The following TRAF3IP1 variants were observed in gnomAD, a reference collection of about 807,000 sequenced individuals.
The protein encoded by TRAF3IP1 is TRAF3-interacting protein 1.
TRAF3IP1 carries 53 observed loss-of-function variants against 89.9 expected under a neutral mutation model. The ratio of observed to expected loss-of-function variants is 0.59; its 90% CI spans 0.47 to 0.74. The LOEUF is 0.74. Ranked by LOEUF, TRAF3IP1 falls within the 30% of genes least tolerant of loss-of-function variation. The pLI is 0.00. For missense variants in TRAF3IP1, 806 were observed against 866.1 expected, an observed-to-expected ratio of 0.93 and a Z score of 0.87; for synonymous variants, 311 against 322.1, an observed-to-expected ratio of 0.97 and a Z score of 0.37.
chr2:238,395,129 G>A (rs1394321685), intron 15 of TRAF3IP1, among the ~76,000 whole-genome samples: 1 of 152,112 alleles, frequency 6.6e-6, no homozygotes, highest in African/African-American at 2.4e-5. Flanking sequence ...GCTTTGGGAG[G>A]GCAAGGCAGG....
intron 10 of TRAF3IP1, 128 bp from the exon 11 acceptor site, chr2:238,348,636 A>G (rs1366803495): frequency 5.3e-6 from 4 of 750,614 alleles, no homozygotes; most frequent in Non-Finnish European, 6.4e-6. Flanking sequence ...AAAATTGCTC[A>G]TTTGTATTTG....
At chr2:238,369,365 G>A (rs61671918) in intron 15 of TRAF3IP1, among the ~76,000 whole-genome samples, 5,724 of 152,298 alleles carry the variant, frequency 0.038, 355 homozygotes, top group African/African-American at 0.13. Flanking sequence ...AGTGGAGCGC[G>A]TTCCACTGTC....
chr2:238,360,182 G>A (rs765760777), intron 15 of TRAF3IP1, among the ~76,000 whole-genome samples: 2 of 152,192 alleles, frequency 1.3e-5, no homozygotes, highest in African/African-American at 4.8e-5. Flanking sequence ...TGAATGAATT[G>A]TTTATTTCTG....
intron 5 of TRAF3IP1, among the ~76,000 whole-genome samples, chr2:238,331,527 A>G (rs544242788): frequency 2.0e-5 from 3 of 152,322 alleles, no homozygotes; most frequent in African/African-American, 7.2e-5. Context: ...ATTTGGGAAC[A>G]TATCAGAGCC....
At chr2:238,356,377 G>A (rs1699407826) in intron 15 of TRAF3IP1, among the ~76,000 whole-genome samples, 1 of 152,138 alleles carries the variant, frequency 6.6e-6, no homozygotes, top group Non-Finnish European at 1.5e-5. Flanking sequence ...CATGCCTGTA[G>A]TCCCAGCTAC....
intron 15 of TRAF3IP1, among the ~76,000 whole-genome samples, chr2:238,393,474 T>C (rs979396161): frequency 6.6e-6 from 1 of 152,220 alleles, no homozygotes; most frequent in Non-Finnish European, 1.5e-5. Context: ...TTGCTCATTC[T>C]GTGACTTACC....
chr2:238,350,533 G>A (rs1237826437), intron 12 of TRAF3IP1, among the ~76,000 whole-genome samples: 1 of 152,206 alleles, frequency 6.6e-6, no homozygotes, highest in African/African-American at 2.4e-5. Flanking sequence ...AGAGACTGGA[G>A]CAGAGGTTTT....
intron 5 of TRAF3IP1, among the ~76,000 whole-genome samples, chr2:238,330,403 C>T (rs1698062341): frequency 6.6e-6 from 1 of 152,104 alleles, no homozygotes; most frequent in South Asian, 2.1e-4. Flanking sequence ...TCCCAGACAC[C>T]CAGACACGCA....
rs1428274674 is a variant in TRAF3IP1 at position 238,398,833 on chromosome 2, A to T, written c.1990A>T (p.Ile664Phe). Residue 664 changes from isoleucine (I) to phenylalanine (F), a missense_variant, in exon 17 of 17, where the codon ATC becomes TTC. Ile to Phe is a conservative substitution (Grantham distance 21). Transcript: ENST00000373327. ...GCTGATCAAAGACCAGCAAGACAAG[A>T]TCTGTGCTGTGAAGGCCAACATCCT... is the stretch of plus-strand genomic sequence containing the variant. The part of the protein sequence containing the change: ...EQLIKDQQDK[I>F]CAVKANILKN... 6.2e-7 allele frequency: 1 copy of T among 1,613,648 alleles called. No homozygotes were observed. The highest frequency in any genetic ancestry group is 1.7e-5 in the Admixed American group (1 of 59,916).
rs1454137362 is a variant in TRAF3IP1, at chr2:238,379,830, A to G, written c.1690-17629A>G. On this transcript the variant is annotated intron_variant, in intron 15 of 16. Coordinates refer to ENST00000373327, the MANE Select transcript of TRAF3IP1 (RefSeq NM_015650.4). The surrounding 1 kb of genome is among the most constrained non-coding windows in gnomAD (Gnocchi z 4.0). ...AGGAAATACTGTAGCAATAGGCTCA[A>G]TAGAAAATGATTAATATTTTAGTAA... 2.0e-5 allele frequency among the ~76,000 whole-genome samples: 3 copies of G among 152,258 alleles called. No individual in the cohort carries two copies. The highest frequency in any genetic ancestry group is 2.9e-5 in the Non-Finnish European group (2 of 68,040).
chr2:238,397,511 A>G lies in TRAF3IP1; in HGVS notation c.1742A>G (p.Lys581Arg). Reference protein sequence around the residue: ...AWKKEKDIVSKEIEKLRTSIQ... With the variant: ...AWKKEKDIVSREIEKLRTSIQ... ...AAGAAGGAGAAGGACATCGTTTCCA[A>G]GGAGATAGAGAAGCTCCGCACGTCC... Residue 581 changes from lysine (K) to arginine (R), a missense_variant, in exon 16 of 17, where the codon AAG (lysine) becomes AGG (arginine). Lys to Arg is a conservative substitution (Grantham distance 26). This residue lies in a region of TRAF3IP1 where 732 missense variants were observed against 780.5 expected (regional missense o/e 0.94). Coordinates refer to ENST00000373327, the MANE Select transcript of TRAF3IP1 (RefSeq NM_015650.4). The G allele has an allele frequency of 6.2e-7, 1 of 1,613,106 alleles. No homozygotes were observed. The highest frequency in any genetic ancestry group is 8.5e-7 in the Non-Finnish European group (1 of 1,179,926).
intron 15 of TRAF3IP1, among the ~76,000 whole-genome samples, chr2:238,371,812 T>C (rs939900417): frequency 3.3e-5 from 5 of 152,252 alleles, no homozygotes; most frequent in African/African-American, 1.2e-4. Context: ...AAATAAAATT[T>C]ATTGAAACTA....
chr2:238,347,314 G>A (rs1428230851), intron 9 of TRAF3IP1, 141 bp from the exon 10 acceptor site: 16 of 810,316 alleles, frequency 2.0e-5, no homozygotes, highest in Non-Finnish European at 2.4e-5. Context: ...TTAGAAAAGC[G>A]GCTATGAGGA....
In TRAF3IP1 at chr2:238,325,283, T is replaced by G. The variant is rs549288872; in HGVS notation, c.124-23T>G. The stretch of plus-strand genomic sequence containing the variant: ...GGAGGCTGTCTGTGAGGTGACATGG[T>G]GGCCTTTCTTTCTCTCTTGAAGGTG... On this transcript the variant is annotated intron_variant, in intron 1 of 16. Coordinates refer to ENST00000373327, the MANE Select transcript of TRAF3IP1 (RefSeq NM_015650.4). 4 of 1,613,384 alleles carry G rather than the reference T, an allele frequency of 2.5e-6. No individual in the cohort carries two copies. The African/African-American group carries it at 5.3e-5, about 22-fold the overall frequency.
intron 15 of TRAF3IP1, among the ~76,000 whole-genome samples, chr2:238,359,953 A>G (rs1268966388): frequency 1.3e-5 from 2 of 152,212 alleles, no homozygotes; most frequent in African/African-American, 4.8e-5. Flanking sequence ...CCTTGTACTT[A>G]GGGGCCATTG....
intron 15 of TRAF3IP1, among the ~76,000 whole-genome samples, chr2:238,374,853 C>A (rs1215823874): frequency 6.6e-6 from 1 of 152,054 alleles, no homozygotes; most frequent in Non-Finnish European, 1.5e-5. Context: ...CTGGTTTAGT[C>A]TTGGGAGGGT....
In TRAF3IP1 at chr2:238,359,650, A is replaced by C. The variant is rs112144564; in HGVS notation, c.1689+3570A>C. On this transcript the variant is annotated intron_variant, in intron 15 of 16. Coordinates refer to ENST00000373327, the MANE Select transcript of TRAF3IP1 (RefSeq NM_015650.4). The stretch of plus-strand genomic sequence containing the variant: ...GTTGATGAACATTTGAGTTGCTTCT[A>C]GTTTGGACTATTATAAATAAAGCTG... Among the ~76,000 whole-genome samples the C allele has an allele frequency of 2.4e-3, 368 of 152,280 alleles. 3 individuals are homozygous for C. The highest frequency in any genetic ancestry group is 8.5e-3 in the African/African-American group (352 of 41,548).
At chr2:238,326,177 G>T (rs1012514608) in intron 3 of TRAF3IP1, among the ~76,000 whole-genome samples, 6 of 152,316 alleles carry the variant, frequency 3.9e-5, no homozygotes, top group African/African-American at 1.4e-4. Flanking sequence ...ACAAATAAGG[G>T]TATGTAATAC....
At position 238,352,926 on chromosome 2, in the gene TRAF3IP1, C is replaced by G. The variant is rs761347974; in HGVS notation, c.1551C>G (p.Leu517=). 5 of 1,611,188 alleles carry G rather than the reference C, an allele frequency of 3.1e-6. No individual in the cohort carries two copies. The highest frequency in any genetic ancestry group is 4.2e-6 in the Non-Finnish European group (5 of 1,179,316). ...TTGTGGTGGAAGCTGCCCCTCAGCT[C>G]TCTGAAATGTCAGAAATTGAAATGG... is the stretch of plus-strand genomic sequence containing the variant. The part of the protein sequence containing the change: ...DQFVVEAAPQ[L]SEMSEIEMVT... The change falls in exon 13 of 17, where the codon CTC becomes CTG. Residue 517 remains leucine, a synonymous_variant. Coordinates refer to ENST00000373327, the MANE Select transcript of TRAF3IP1 (RefSeq NM_015650.4).
Sources: allele counts gnomAD v4.1 joint callset (sites outside exome capture counted in the v4.1 genomes callset), GRCh38; gene constraint gnomAD v4.1.1; regional missense constraint gnomAD v4.1.1; non-coding constraint Gnocchi (gnomAD v3.1); transcripts MANE v1.5; gene names NCBI Gene and HGNC (gene_info 2026-07-23, HGNC 2026-07-21).